SRBD1: variants seen among roughly 807,000 people sequenced by gnomAD.
SRBD1 encodes the protein S1 RNA binding domain 1, also known as S1 RNA-binding domain-containing protein 1.
A neutral mutation model predicts 115.3 loss-of-function variants in SRBD1; 88 were observed. That is an observed-to-expected ratio of 0.76 (90% CI 0.64 to 0.91). The LOEUF (loss-of-function observed/expected upper bound fraction) is 0.91. SRBD1 is among the 40% of genes least tolerant of loss of function. The probability of loss-of-function intolerance (pLI) is 0.00; values close to 1 mark genes in which losing one functional copy is unlikely to be tolerated. For missense variants in SRBD1, 1,385 were observed against 1,177.4 expected, an observed-to-expected ratio of 1.18 and a Z score of -2.58; for synonymous variants, 509 against 407.7, an observed-to-expected ratio of 1.25 and a Z score of -2.99.
rs756333967 is a variant in SRBD1 at position 45,551,166 on chromosome 2, C to T, written c.1634G>A (p.Gly545Asp). ...PGRTLMGVDP[G>D]YKHGCKLAII... is the part of the protein sequence containing the mutation. Reference sequence around the variant, plus strand: ...AGCTAATTTGCAACCATGTTTATAACCAGGATCCACTCCCATTAAGGTGCG... The same window carrying T: ...AGCTAATTTGCAACCATGTTTATAATCAGGATCCACTCCCATTAAGGTGCG... The change falls in exon 12 of 21, where the codon GGT becomes GAT. Residue 545 changes from glycine (G) to aspartate (D), a missense_variant. By Grantham distance (94) the Gly-to-Asp change is moderately conservative. Transcript: ENST00000263736. 2 of 1,607,298 alleles carry T rather than the reference C, an allele frequency of 1.2e-6. No individual in the cohort carries two copies. Among genetic ancestry groups the T allele is most frequent in the African/African-American group, 2.7e-5 (2 of 74,550 alleles).
chr2:45,600,601 A>G (rs1674061958), intron 3 of SRBD1, among the ~76,000 whole-genome samples: 1 of 152,188 alleles, frequency 6.6e-6, no homozygotes, highest in African/African-American at 2.4e-5. Flanking sequence ...TTTCTTTAAC[A>G]AGAGTCCGCA....
At chr2:45,561,117 AAAAAG>A (rs1672652292) in intron 10 of SRBD1, among the ~76,000 whole-genome samples, 1 of 152,188 alleles carries the variant, frequency 6.6e-6, no homozygotes, top group African/African-American at 2.4e-5. Flanking sequence ...TCAAAAAAAG[AAAAAG>A]AAAAGAAACT....
chr2:45,391,115 T>A (rs773663405), intron 20 of SRBD1, among the ~76,000 whole-genome samples: 1 of 152,174 alleles, frequency 6.6e-6, no homozygotes, highest in African/African-American at 2.4e-5. Flanking sequence ...GCAGATTCCC[T>A]AAGGGTTCCT....
intron 10 of SRBD1, among the ~76,000 whole-genome samples, chr2:45,562,075 C>A (rs531175154): frequency 6.6e-6 from 1 of 152,294 alleles, no homozygotes; most frequent in Non-Finnish European, 1.5e-5. Flanking sequence ...TAAAACAGTT[C>A]TTCTCCACAG....
chr2:45,495,655 G>T (rs1008216176), intron 14 of SRBD1, among the ~76,000 whole-genome samples: 1 of 152,162 alleles, frequency 6.6e-6, no homozygotes, highest in African/African-American at 2.4e-5. Flanking sequence ...CACAAGACCT[G>T]ATGCGTAAGT....
chr2:45,551,121 T>C lies in SRBD1; in HGVS notation c.1675+4A>G. The C allele has an allele frequency of 6.3e-7, 1 of 1,587,608 alleles. No homozygotes were observed. On this transcript the variant is annotated splice_donor_region_variant and intron_variant, in intron 12 of 20. Coordinates refer to ENST00000263736, the MANE Select transcript of SRBD1 (RefSeq NM_018079.5). ...TTTACATGGAAAATTGCAAGACAAC[T>C]TACTAGTAGGAGAAATTATAGCTAA...
At chr2:45,522,088 C>A (rs1220420754) in intron 14 of SRBD1, among the ~76,000 whole-genome samples, 3 of 151,870 alleles carry the variant, frequency 2.0e-5, no homozygotes, top group Non-Finnish European at 2.9e-5. Flanking sequence ...GTGAAAATCA[C>A]CCAAGTGTAC....
intron 16 of SRBD1, among the ~76,000 whole-genome samples, chr2:45,432,951 A>T (rs540479554): frequency 1.4e-4 from 21 of 152,196 alleles, no homozygotes; most frequent in Non-Finnish European, 2.9e-4. Flanking sequence ...TGAAGGACGA[A>T]AAGTATCTAA....
chr2:45,565,918 G>A (rs565029280), intron 9 of SRBD1, among the ~76,000 whole-genome samples: 41 of 152,316 alleles, frequency 2.7e-4, no homozygotes, highest in Middle Eastern at 3.4e-3. Context: ...GAGCCATCGC[G>A]CCTGGCCACA....
At chr2:45,389,716 G>A (rs777794345) in intron 20 of SRBD1, 117 bp from the exon 21 acceptor site, 4 of 1,044,346 alleles carry the variant, frequency 3.8e-6, no homozygotes, top group African/African-American at 3.2e-5. Context: ...AAGATTAAGG[G>A]GGGATTATAA....
chr2:45,445,549 G>GT (rs1553333436), intron 16 of SRBD1, among the ~76,000 whole-genome samples: 1 of 47,152 alleles, frequency 2.1e-5, no homozygotes, highest in Non-Finnish European at 3.6e-5. Flanking sequence ...CTTCCCAGAG[G>GT]TAAAAAAAAA....
intron 7 of SRBD1, among the ~76,000 whole-genome samples, chr2:45,578,897 CTTGA>C (rs758449054): frequency 4.6e-5 from 7 of 152,092 alleles, no homozygotes; most frequent in African/African-American, 1.7e-4. Context: ...TGTTAATTTG[CTTGA>C]TTATCATGTA....
At chr2:45,455,354 C>T (rs372024787) in intron 16 of SRBD1, among the ~76,000 whole-genome samples, 86 of 151,842 alleles carry the variant, frequency 5.7e-4, no homozygotes, top group African/African-American at 1.6e-3. Flanking sequence ...TATATGTAAT[C>T]GTATTGCAGG....
At chr2:45,531,509 T>C (rs975733378) in intron 14 of SRBD1, among the ~76,000 whole-genome samples, 2 of 151,508 alleles carry the variant, frequency 1.3e-5, no homozygotes, top group African/African-American at 4.9e-5. Context: ...CCATAATTTC[T>C]ATTTTCCACT....
At chr2:45,507,409 T>C (rs2103912979) in intron 14 of SRBD1, among the ~76,000 whole-genome samples, 1 of 152,126 alleles carries the variant, frequency 6.6e-6, no homozygotes, top group East Asian at 1.9e-4. Flanking sequence ...CAGAACATTC[T>C]CTGAAACTTA....
intron 7 of SRBD1, among the ~76,000 whole-genome samples, chr2:45,575,802 CAAGTGAT>C (rs796513578): frequency 6.6e-6 from 1 of 152,290 alleles, no homozygotes; most frequent in African/African-American, 2.4e-5. Flanking sequence ...CTCCTGGGTT[CAAGTGAT>C]TCTCCTGCCT....
intron 16 of SRBD1, among the ~76,000 whole-genome samples, chr2:45,435,728 G>C (rs77519986): frequency 6.6e-6 from 1 of 152,170 alleles, no homozygotes; most frequent in African/African-American, 2.4e-5. Flanking sequence ...GGGTAGAAGT[G>C]AGCTATTCTA....
At chr2:45,530,746 T>C (rs910596131) in intron 14 of SRBD1, among the ~76,000 whole-genome samples, 18 of 151,868 alleles carry the variant, frequency 1.2e-4, no homozygotes, top group African/African-American at 4.4e-4. Context: ...AGCCCAGAGG[T>C]CACTCTTCCA....
At chr2:45,458,841 G>A (rs548030346) in intron 16 of SRBD1, among the ~76,000 whole-genome samples, 2 of 152,228 alleles carry the variant, frequency 1.3e-5, no homozygotes, top group South Asian at 4.1e-4. Context: ...TATTTCAGTA[G>A]AATGACTACA....
Sources: allele counts gnomAD v4.1 joint callset (sites outside exome capture counted in the v4.1 genomes callset), GRCh38; gene constraint gnomAD v4.1.1; transcripts MANE v1.5; gene names NCBI Gene and HGNC (gene_info 2026-07-23, HGNC 2026-07-21).